Variants in RAB9B observed in about 807,000 individuals in gnomAD.
RAB9B encodes ras-related protein Rab-9B.
A neutral mutation model predicts 8.9 loss-of-function variants in RAB9B; 1 was observed. That is an observed-to-expected ratio of 0.11 (90% CI 0.04 to 0.53). The LOEUF is 0.53. Among genes scored for constraint, RAB9B ranks in the 20% least tolerant of loss-of-function variants. The pLI, the probability that RAB9B is intolerant of heterozygous loss-of-function variation, is 0.93. For missense variants in RAB9B, 82 were observed against 152.9 expected (o/e 0.54, Z 2.45); for synonymous variants, 63 against 57.0 (o/e 1.10, Z -0.47).
At position 103,825,413 on chromosome X, in the gene RAB9B, G is replaced by A; in HGVS notation, c.372C>T (p.Asn124=). Residue 124 remains asparagine, a synonymous_variant, in exon 3 of 3, where the codon AAC becomes AAT. Transcript: ENST00000243298. ...PEHFPFVVLG[N]KVDKEDRQVT... Reference sequence around the variant, plus strand: ...CTTGCCTATCCTCTTTGTCTACCTTGTTACCCAGAACTACAAAGGGGAAAT... The same window carrying A: ...CTTGCCTATCCTCTTTGTCTACCTTATTACCCAGAACTACAAAGGGGAAAT... 1 of 1,211,706 alleles carries A rather than the reference G, an allele frequency of 8.3e-7. No individual in the cohort carries two copies. Among genetic ancestry groups the A allele is most frequent in the Non-Finnish European group, 1.1e-6 (1 of 895,512 alleles).
At chrX:103,807,190 C>A in the RAB9B span, among the ~76,000 whole-genome samples, 1 of 111,541 alleles carries the variant, frequency 9.0e-6, no homozygotes, top group Non-Finnish European at 1.9e-5. Context: ...GCTCAGAAAC[C>A]AAAGAATCAT....
chrX:103,829,424 A>G (rs1200002498), intron 1 of RAB9B, among the ~76,000 whole-genome samples: 2 of 112,326 alleles, frequency 1.8e-5, no homozygotes, highest in Non-Finnish European at 3.8e-5. Context: ...CTAGAAGTAA[A>G]AATGAATACA....
chrX:103,791,970 A>AT, the RAB9B span: 1 of 111,869 alleles, frequency 8.9e-6, no homozygotes, highest in Non-Finnish European at 1.9e-5. Flanking sequence ...CATAAAGGTT[A>AT]TTTTCTCCTG....
At chrX:103,786,426 T>C in the RAB9B span, 9 of 1,191,552 alleles carry the variant, frequency 7.6e-6, no homozygotes, top group Non-Finnish European at 1.0e-5. Context: ...CTTCAATTAA[T>C]AAGATTCCCT....
chrX:103,809,157 T>A, the RAB9B span, among the ~76,000 whole-genome samples: 1 of 111,552 alleles, frequency 9.0e-6, no homozygotes, highest in Admixed American at 9.5e-5. Context: ...ATGATTTCTC[T>A]CTCTCTGTCT....
At chrX:103,780,685 A>G in the RAB9B span, 1 of 111,747 alleles carries the variant, frequency 8.9e-6, no homozygotes, top group Non-Finnish European at 1.9e-5. Context: ...CTGATATCAA[A>G]AGGGATATGT....
intron 1 of RAB9B, among the ~76,000 whole-genome samples, chrX:103,831,753 C>T (rs989046693): frequency 5.5e-5 from 6 of 109,933 alleles, no homozygotes; most frequent in Non-Finnish European, 1.9e-5. Flanking sequence ...TCTCACCTCA[C>T]CCCCAGCTCT....
chrX:103,818,282 A>G (rs983101803), downstream of RAB9B, among the ~76,000 whole-genome samples: 2 of 111,856 alleles, frequency 1.8e-5, no homozygotes, highest in Non-Finnish European at 3.8e-5. Flanking sequence ...ATCAGACTGC[A>G]CATATGGGGT....
At chrX:103,815,441 T>A in the RAB9B span, among the ~76,000 whole-genome samples, 1 of 112,401 alleles carries the variant, frequency 8.9e-6, no homozygotes, top group Non-Finnish European at 1.9e-5. Context: ...CCCAAAATAA[T>A]AAGAGCTATT....
chrX:103,776,534 A>G, the RAB9B span: 6 of 130,438 alleles, frequency 4.6e-5, no homozygotes, highest in Non-Finnish European at 9.2e-5. Context: ...CTTGTGCTGC[A>G]TATCCCACAC....
the RAB9B span, among the ~76,000 whole-genome samples, chrX:103,804,163 T>A: frequency 1.8e-5 from 2 of 112,347 alleles, no homozygotes; most frequent in African/African-American, 6.5e-5. Flanking sequence ...CATTTTGAGT[T>A]AATTTTTGTT....
At chrX:103,789,238 A>T in the RAB9B span, 1 of 676,614 alleles carries the variant, frequency 1.5e-6, no homozygotes, top group African/African-American at 2.1e-5. Flanking sequence ...CACAAGAAAG[A>T]TATCAACACA....
At chrX:103,790,646 C>T in the RAB9B span, 7 of 934,112 alleles carry the variant, frequency 7.5e-6, no homozygotes, top group Middle Eastern at 2.6e-4. Flanking sequence ...TCTAACCACA[C>T]AGCCTACAAT....
the RAB9B span, among the ~76,000 whole-genome samples, chrX:103,812,924 T>C: frequency 2.0e-5 from 2 of 101,057 alleles, no homozygotes; most frequent in Non-Finnish European, 4.0e-5. Context: ...GGTTCCTGAG[T>C]TTTTTTTTTT....
At chrX:103,798,359 G>A in the RAB9B span, among the ~76,000 whole-genome samples, 1 of 111,477 alleles carries the variant, frequency 9.0e-6, no homozygotes, top group East Asian at 2.8e-4. Flanking sequence ...ATTTTAGTGA[G>A]AACAATGTGA....
At chrX:103,805,776 T>TC in the RAB9B span, among the ~76,000 whole-genome samples, 4 of 112,159 alleles carry the variant, frequency 3.6e-5, no homozygotes, top group Non-Finnish European at 7.5e-5. Context: ...AAAAAAATTC[T>TC]TTAAGGTGAT....
chrX:103,809,550 T>A, the RAB9B span, among the ~76,000 whole-genome samples: 1 of 112,503 alleles, frequency 8.9e-6, no homozygotes, highest in East Asian at 2.8e-4. Context: ...TCTGCCTGCC[T>A]TGGCCTCCCA....
chrX:103,823,527 C>T lies in RAB9B; in HGVS notation c.*1652G>A, dbSNP rs1266210962. On this transcript the variant is annotated 3_prime_UTR_variant, in exon 3 of 3. Transcript: ENST00000243298. ...TCTAGGCTGTATTCCTATGAAAGCT[C>T]CCACCCCCTTCCTGGCCTAGGTCTC... The T allele has an allele frequency of 9.0e-6, 1 of 111,397 alleles. No individual in the cohort carries two copies. Among genetic ancestry groups the T allele is most frequent in the Admixed American group, 9.6e-5 (1 of 10,456 alleles). 9.2% of individuals were successfully genotyped at this position (111,397 alleles called of 1,213,427 possible).
the RAB9B span, among the ~76,000 whole-genome samples, chrX:103,783,371 C>T: frequency 8.9e-6 from 1 of 112,348 alleles, no homozygotes; most frequent in African/African-American, 3.2e-5. Flanking sequence ...TTATAGAGGC[C>T]AAGTTTCCTG....
Sources: gnomAD v4.1 joint callset for allele counts (sites outside exome capture counted in the v4.1 genomes callset) on GRCh38, gnomAD v4.1.1 for gene constraint, MANE v1.5 for transcripts, NCBI Gene and HGNC (gene_info 2026-07-23, HGNC 2026-07-21) for gene names.